The following SORCS2 variants were observed in gnomAD, a reference collection of about 807,000 sequenced individuals.
SORCS2 encodes the protein VPS10 domain-containing receptor SorCS2.
In SORCS2, 100 loss-of-function variants were observed where a neutral mutation model predicts 141.6. That is an observed-to-expected ratio of 0.71 (90% CI 0.60 to 0.83). The LOEUF is 0.83. Ranked by LOEUF, SORCS2 falls within the 40% of genes least tolerant of loss-of-function variation. The pLI is 0.00. For synonymous variants in SORCS2, 789 were observed against 676.9 expected, an observed-to-expected ratio of 1.17 and a Z score of -2.57; for missense variants, 1,646 against 1,560.2, an observed-to-expected ratio of 1.05 and a Z score of -0.93.
chr4:7,704,177 G>T lies in SORCS2; in HGVS notation c.1761G>T (p.Lys587Asn), dbSNP rs779089341. ...GATGCTGACGATCTTCTCCTGGCAG[G>T]TTCAGTGTGGACGAGGGCCTCACCT... is the stretch of plus-strand genomic sequence containing the variant. ...KDTSIPLKIL[K>N]FSVDEGLTWS... Residue 587 changes from lysine (K) to asparagine (N), a missense_variant and splice_region_variant, in exon 14 of 27, where the codon AAG becomes AAT. Physicochemically the swap from Lys to Asn is moderately conservative, Grantham distance 94. Coordinates refer to ENST00000507866, the MANE Select transcript of SORCS2 (RefSeq NM_020777.3). 5 of 1,611,460 alleles carry T rather than the reference G, an allele frequency of 3.1e-6. 1 individual carries two copies. The highest frequency in any genetic ancestry group is 1.1e-5 in the South Asian group (1 of 90,230).
chr4:7,247,706 T>G (rs1713200019), intron 1 of SORCS2, among the ~76,000 whole-genome samples: 1 of 152,162 alleles, frequency 6.6e-6, no homozygotes, highest in Admixed American at 6.5e-5. Flanking sequence ...GGGCGCGGCC[T>G]GGGGGACCTG....
intron 3 of SORCS2, among the ~76,000 whole-genome samples, chr4:7,587,549 C>A (rs1237497723): frequency 6.6e-6 from 1 of 152,192 alleles, no homozygotes; most frequent in South Asian, 2.1e-4. Context: ...CTTGATTAGG[C>A]CCAAGGCAGG....
intron 1 of SORCS2, among the ~76,000 whole-genome samples, chr4:7,267,862 T>G (rs73799435): frequency 0.06 from 9,080 of 152,286 alleles, 889 homozygotes; most frequent in African/African-American, 0.2. Flanking sequence ...GTCTGGGTCA[T>G]CGGGGGTCTG....
chr4:7,719,720 G>GC lies in SORCS2; in HGVS notation c.2424+1539dup, dbSNP rs1273147768. Among the ~76,000 whole-genome samples, 3 of 152,162 alleles carry GC rather than the reference G, an allele frequency of 2.0e-5. No individual in the cohort carries two copies. In the South Asian group the frequency reaches 6.2e-4, roughly 32 times the overall value. On this transcript the variant is annotated intron_variant, in intron 18 of 26. Transcript: ENST00000507866. Reference sequence around the variant, plus strand: ...ACCCCGCTGCGGCTGCCCGTCCGGGGCCGACTTCCAGGAAAAAAATGGCCC... The same window carrying GC: ...ACCCCGCTGCGGCTGCCCGTCCGGGGCCCGACTTCCAGGAAAAAAATGGCCC...
At chr4:7,717,898 G>T in intron 17 of SORCS2, 114 bp from the exon 18 acceptor site, 1 of 1,138,314 alleles carries the variant, frequency 8.8e-7, no homozygotes, top group Non-Finnish European at 1.2e-6. Flanking sequence ...AGAGTCCTAG[G>T]GGTGGGAAGC....
chr4:7,248,412 A>G (rs541468141), intron 1 of SORCS2, among the ~76,000 whole-genome samples: 2 of 152,334 alleles, frequency 1.3e-5, no homozygotes, highest in Admixed American at 1.3e-4. Context: ...ACTTTGGTCA[A>G]GTTACTTAAC....
chr4:7,510,447 A>G (rs568144838), intron 2 of SORCS2, among the ~76,000 whole-genome samples: 11 of 152,356 alleles, frequency 7.2e-5, no homozygotes, highest in African/African-American at 2.6e-4. Context: ...TGGCCAGGAC[A>G]GCCGAGGTTA....
Position 7,331,313 on chromosome 4 carries a change from A to G in SORCS2, c.481-64975A>G, listed in dbSNP as rs182590229. 4.0e-4 allele frequency among the ~76,000 whole-genome samples: 61 copies of G among 151,808 alleles called. No individual in the cohort carries two copies. The East Asian group carries it at 8.4e-3, about 21-fold the overall frequency. On this transcript the variant is annotated intron_variant, in intron 1 of 26. Coordinates refer to ENST00000507866, the MANE Select transcript of SORCS2 (RefSeq NM_020777.3). ...TGGGGTGGTTGGGGTGCAGGTCTTC[A>G]CTCCTGGCAGGGTGATCCTTGGCTG...
chr4:7,409,268 G>C (rs1725158404), intron 2 of SORCS2, among the ~76,000 whole-genome samples: 1 of 152,206 alleles, frequency 6.6e-6, no homozygotes, highest in Non-Finnish European at 1.5e-5. Context: ...CTTAAGCCCA[G>C]GTTCTCCTTG....
At chr4:7,497,982 G>C (rs557774194) in intron 2 of SORCS2, among the ~76,000 whole-genome samples, 16 of 152,378 alleles carry the variant, frequency 1.1e-4, no homozygotes, top group African/African-American at 3.8e-4. Context: ...GGAGAAGGAA[G>C]GTGCTGGTGC....
intron 2 of SORCS2, among the ~76,000 whole-genome samples, chr4:7,508,034 C>A (rs1171161900): frequency 2.6e-5 from 4 of 151,864 alleles, no homozygotes; most frequent in African/African-American, 9.7e-5. Context: ...GGACTCACGA[C>A]GGGTACAGGT....
intron 1 of SORCS2, among the ~76,000 whole-genome samples, chr4:7,305,130 C>T (rs565306825): frequency 2.6e-5 from 4 of 151,516 alleles, no homozygotes; most frequent in East Asian, 2.0e-4. Context: ...CTCCCGGGTT[C>T]GTGCCATTCT....
In SORCS2 at chr4:7,712,742, C is replaced by T. The variant is rs1725908673; in HGVS notation, c.1878C>T (p.Gly626=). The T allele has an allele frequency of 6.2e-6, 10 of 1,613,980 alleles. No homozygotes were observed. Among genetic ancestry groups the T allele is most frequent in the Non-Finnish European group, 8.5e-6 (10 of 1,179,862 alleles). The change falls in exon 15 of 27, where the codon GGC becomes GGT. Residue 626 remains glycine (G), a synonymous_variant. Coordinates refer to ENST00000507866, the MANE Select transcript of SORCS2 (RefSeq NM_020777.3). ...GDETLVMTVF[G]HISFRSDWEL... is the part of the protein sequence containing the mutation. The stretch of plus-strand genomic sequence containing the variant: ...CCTCTTCCCACCCCAGGGTCTTTGG[C>T]CACATCAGCTTCCGCTCCGATTGGG...
At chr4:7,385,303 A>C (rs1203656373) in intron 1 of SORCS2, among the ~76,000 whole-genome samples, 1 of 152,236 alleles carries the variant, frequency 6.6e-6, no homozygotes, top group Non-Finnish European at 1.5e-5. Context: ...ATGCAGGATC[A>C]GTGTCTTTGA....
chr4:7,419,973 A>G (rs546411360), intron 2 of SORCS2, among the ~76,000 whole-genome samples: 1 of 152,262 alleles, frequency 6.6e-6, no homozygotes, highest in Admixed American at 6.5e-5. Flanking sequence ...AGGGACTCAG[A>G]TTCCTTCCAT....
At chr4:7,328,192 A>ATT (rs377012517) in intron 1 of SORCS2, among the ~76,000 whole-genome samples, 76 of 134,034 alleles carry the variant, frequency 5.7e-4, no homozygotes, top group African/African-American at 2.0e-3. Flanking sequence ...TGCCTGGCTA[A>ATT]TTTTTTTTTT....
intron 1 of SORCS2, among the ~76,000 whole-genome samples, chr4:7,369,587 TAGAG>T (rs1722121531): frequency 6.6e-6 from 1 of 152,144 alleles, no homozygotes; most frequent in African/African-American, 2.4e-5. Context: ...ATTTCTGAGA[TAGAG>T]AGTTCAGTTT....
At position 7,664,931 on chromosome 4, in the gene SORCS2, T is replaced by C. The variant is rs963654869; in HGVS notation, c.1071+460T>C. 2.0e-5 allele frequency among the ~76,000 whole-genome samples: 3 copies of C among 152,128 alleles called. No individual in the cohort carries two copies. Among genetic ancestry groups the C allele is most frequent in the Non-Finnish European group, 2.9e-5 (2 of 68,012 alleles). On this transcript the variant is annotated intron_variant, in intron 7 of 26. Transcript: ENST00000507866. This position sits in a 1 kb window ranked among gnomAD's most constrained non-coding sequence, Gnocchi z 4.7. ...ATGTGGTCCCAGCTAATTCAGAAAC[T>C]CTAGCACACAACCAATCCATCCAGC...
At chr4:7,647,694 A>G (rs1362398096) in intron 4 of SORCS2, among the ~76,000 whole-genome samples, 1 of 152,162 alleles carries the variant, frequency 6.6e-6, no homozygotes, top group African/African-American at 2.4e-5. Context: ...CGAGGAGGGC[A>G]GGGGGGTCGC....
Sources: gnomAD v4.1 joint callset for allele counts (sites outside exome capture counted in the v4.1 genomes callset) on GRCh38, gnomAD v4.1.1 for gene constraint, Gnocchi (gnomAD v3.1) non-coding constraint, MANE v1.5 for transcripts, NCBI Gene and HGNC (gene_info 2026-07-23, HGNC 2026-07-21) for gene names.